The following MSH3 variants were observed in gnomAD, a reference collection of about 807,000 sequenced individuals.
MSH3 encodes the protein DNA mismatch repair protein Msh3.
Under a neutral mutation model 123.3 loss-of-function variants are expected in MSH3, and 106 were observed. That is an observed-to-expected ratio of 0.86 (90% CI 0.73 to 1.01). MSH3 has a LOEUF of 1.01. Among genes scored for constraint, MSH3 ranks in the 50% least tolerant of loss-of-function variants. MSH3 has a pLI of 0.00. For missense variants in MSH3, 1,459 were observed against 1,347.6 expected, an observed-to-expected ratio of 1.08 and a Z score of -1.29; for synonymous variants, 515 against 481.4, an observed-to-expected ratio of 1.07 and a Z score of -0.91.
chr5:80,839,067 TTTAAA>T (rs2112088175), intron 20 of MSH3, among the ~76,000 whole-genome samples: 1 of 152,332 alleles, frequency 6.6e-6, no homozygotes, highest in African/African-American at 2.4e-5. Context: ...ATGTTTTAAC[TTTAAA>T]TTAAACTAAA....
intron 8 of MSH3, among the ~76,000 whole-genome samples, chr5:80,721,665 G>T (rs1239407829): frequency 6.6e-6 from 1 of 152,146 alleles, no homozygotes; most frequent in Non-Finnish European, 1.5e-5. Flanking sequence ...TGTAGTACAT[G>T]TTATCTGTGG....
intron 8 of MSH3, among the ~76,000 whole-genome samples, chr5:80,710,697 T>A (rs1365168977): frequency 7.1e-6 from 1 of 140,710 alleles, no homozygotes; most frequent in African/African-American, 2.6e-5. Flanking sequence ...ATGTGTAGAT[T>A]CGTGGTAAAA....
chr5:80,656,259 C>A, intron 1 of MSH3, 152 bp from the exon 2 acceptor site: 2 of 981,748 alleles, frequency 2.0e-6, no homozygotes, highest in Non-Finnish European at 3.1e-6. Flanking sequence ...ACAGTTCACC[C>A]ATAGGGTTTT....
chr5:80,678,302 G>A (rs1749886859), intron 7 of MSH3, among the ~76,000 whole-genome samples: 1 of 152,124 alleles, frequency 6.6e-6, no homozygotes, highest in African/African-American at 2.4e-5. Flanking sequence ...ATCTTTTCCA[G>A]TTTATCTTTG....
intron 20 of MSH3, among the ~76,000 whole-genome samples, chr5:80,826,320 T>C (rs1303412530): frequency 3.3e-5 from 5 of 152,224 alleles, no homozygotes; most frequent in African/African-American, 1.2e-4. Flanking sequence ...CAAATGCTTT[T>C]TGTACTCAAT....
At chr5:80,763,252 A>C (rs898139097) in intron 13 of MSH3, among the ~76,000 whole-genome samples, 14 of 152,220 alleles carry the variant, frequency 9.2e-5, no homozygotes, top group Admixed American at 6.5e-4. Flanking sequence ...TACTGCTTCT[A>C]AGAATACTTG....
chr5:80,836,286 AC>A (rs1357442310), intron 20 of MSH3, among the ~76,000 whole-genome samples: 1 of 152,228 alleles, frequency 6.6e-6, no homozygotes, highest in Admixed American at 6.5e-5. Context: ...AATTGTAAAA[AC>A]AAATGATTCA....
chr5:80,719,195 G>A (rs1248853018), intron 8 of MSH3, among the ~76,000 whole-genome samples: 1 of 151,844 alleles, frequency 6.6e-6, no homozygotes, highest in Non-Finnish European at 1.5e-5. Context: ...CTACAGGCGC[G>A]TGCCACCACA....
intron 8 of MSH3, among the ~76,000 whole-genome samples, chr5:80,691,348 A>G (rs1338254000): frequency 6.6e-6 from 1 of 151,956 alleles, no homozygotes; most frequent in Non-Finnish European, 1.5e-5. Context: ...TAAAATAGCA[A>G]CCACAATAAT....
At chr5:80,794,083 C>T (rs1744654015) in intron 19 of MSH3, among the ~76,000 whole-genome samples, 1 of 152,166 alleles carries the variant, frequency 6.6e-6, no homozygotes, top group South Asian at 2.1e-4. Context: ...TAATTGTTTG[C>T]TTATACCACA....
rs201655957 is a variant in MSH3, at chr5:80,814,208, TAA to T, written c.2813+468_2813+469del. 6.3e-3 allele frequency among the ~76,000 whole-genome samples: 951 copies of T among 152,060 alleles called. 7 individuals carry two copies. The highest frequency in any genetic ancestry group is 0.022 in the African/African-American group (912 of 41,506). On this transcript the variant is annotated intron_variant, in intron 20 of 23. Coordinates refer to ENST00000265081, the MANE Select transcript of MSH3 (RefSeq NM_002439.5). ...ATGACTGTTAATACTAGAAAAGACT[TAA>T]GAGTTAATTTTGTCCAATAGCTTCC...
At chr5:80,752,206 A>G (rs1441931884) in intron 12 of MSH3, among the ~76,000 whole-genome samples, 1 of 152,006 alleles carries the variant, frequency 6.6e-6, no homozygotes, top group Non-Finnish European at 1.5e-5. Context: ...CTGAGATTCG[A>G]AGAAAGAAAA....
chr5:80,742,533 T>A (rs1167150258), intron 11 of MSH3, among the ~76,000 whole-genome samples: 1 of 152,152 alleles, frequency 6.6e-6, no homozygotes, highest in African/African-American at 2.4e-5. Context: ...GTCAAAGGAG[T>A]TAAAACTCTT....
At chr5:80,783,659 CT>C (rs1339249928) in intron 17 of MSH3, among the ~76,000 whole-genome samples, 3 of 152,120 alleles carry the variant, frequency 2.0e-5, no homozygotes, top group African/African-American at 7.2e-5. Context: ...TCAAGTCAAG[CT>C]GCTGAGTAGT....
intron 10 of MSH3, among the ~76,000 whole-genome samples, chr5:80,735,101 C>T (rs1032236076): frequency 2.0e-5 from 3 of 151,986 alleles, no homozygotes; most frequent in Non-Finnish European, 4.4e-5. Flanking sequence ...ACATGATTAC[C>T]GGCCAGGTGT....
chr5:80,723,562 C>A (rs189439137), intron 8 of MSH3, among the ~76,000 whole-genome samples: 73 of 152,130 alleles, frequency 4.8e-4, no homozygotes, highest in African/African-American at 1.7e-3. Flanking sequence ...TACTTAGCTG[C>A]TGTTAAAATG....
chr5:80,865,182 C>CT (rs1168951730), intron 22 of MSH3, among the ~76,000 whole-genome samples: 1 of 152,038 alleles, frequency 6.6e-6, no homozygotes, highest in Admixed American at 6.6e-5. Flanking sequence ...ACCCTTTTCT[C>CT]TTTTTTTACA....
At chr5:80,661,257 G>A (rs1160916210) in intron 2 of MSH3, among the ~76,000 whole-genome samples, 6 of 151,934 alleles carry the variant, frequency 3.9e-5, no homozygotes, top group African/African-American at 1.5e-4. Context: ...TGTCTCTTGT[G>A]TCTCCTTCTG....
chr5:80,774,952 G>A (rs993711421), intron 15 of MSH3, among the ~76,000 whole-genome samples: 3 of 152,150 alleles, frequency 2.0e-5, no homozygotes, highest in Non-Finnish European at 4.4e-5. Flanking sequence ...AAATAAAAGA[G>A]TATAACTGGA....
Sources: allele counts gnomAD v4.1 joint callset (sites outside exome capture counted in the v4.1 genomes callset), GRCh38; gene constraint gnomAD v4.1.1; transcripts MANE v1.5; gene names NCBI Gene and HGNC (gene_info 2026-07-23, HGNC 2026-07-21).